Variants in HIBCH observed in about 807,000 individuals in gnomAD.
HIBCH encodes the protein 3-hydroxyisobutyryl-CoA hydrolase.
HIBCH carries 50 observed loss-of-function variants against 58.2 expected under a neutral mutation model. The ratio of observed to expected loss-of-function variants is 0.86; its 90% CI spans 0.68 to 1.09. The LOEUF (loss-of-function observed/expected upper bound fraction) is 1.09, where lower values mean the gene tolerates loss of function less well. HIBCH is among the 50% of genes least tolerant of loss of function. HIBCH has a pLI of 0.00. For synonymous variants in HIBCH, 151 were observed against 146.9 expected, an observed-to-expected ratio of 1.03 and a Z score of -0.20; for missense variants, 450 against 449.7, an observed-to-expected ratio of 1.00 and a Z score of -0.01.
intron 6 of HIBCH, among the ~76,000 whole-genome samples, chr2:190,272,122 A>G (rs766832295): frequency 7.2e-5 from 11 of 152,078 alleles, no homozygotes; most frequent in African/African-American, 2.7e-4. Flanking sequence ...CCATCACTAC[A>G]CTATTCGCAC....
chr2:190,238,745 G>GA (rs1381546769), intron 11 of HIBCH, among the ~76,000 whole-genome samples: 1 of 152,240 alleles, frequency 6.6e-6, no homozygotes, highest in Non-Finnish European at 1.5e-5. Context: ...TTACAGGCGT[G>GA]AGCCACCACG....
At chr2:190,286,969 A>G (rs576694733) in intron 6 of HIBCH, among the ~76,000 whole-genome samples, 1 of 151,294 alleles carries the variant, frequency 6.6e-6, no homozygotes, top group Non-Finnish European at 1.5e-5. Flanking sequence ...ATAAAAACAC[A>G]ATCAGTTTCC....
intron 11 of HIBCH, among the ~76,000 whole-genome samples, chr2:190,226,594 TCAAAAAAAAAAAAA>T (rs202171428): frequency 0.4 from 35,812 of 89,708 alleles, 4,768 homozygotes; most frequent in Middle Eastern, 0.49. Flanking sequence ...AAACTCCGTC[TCAAAAAAAAAAAAA>T]AAAAAAAAAA....
At chr2:190,313,518 C>G (rs1688611956) in intron 1 of HIBCH, among the ~76,000 whole-genome samples, 1 of 152,010 alleles carries the variant, frequency 6.6e-6, no homozygotes, top group Non-Finnish European at 1.5e-5. Flanking sequence ...AATCTTTTGC[C>G]TCCGTGCTGA....
chr2:190,251,754 A>G (rs1686780336), intron 8 of HIBCH, among the ~76,000 whole-genome samples: 1 of 151,954 alleles, frequency 6.6e-6, no homozygotes, highest in South Asian at 2.1e-4. Context: ...GTCAAATGCA[A>G]TTACTTTCAA....
intron 1 of HIBCH, among the ~76,000 whole-genome samples, chr2:190,194,344 TTTAAG>T (rs1028938873): frequency 6.6e-6 from 1 of 152,156 alleles, no homozygotes; most frequent in African/African-American, 2.4e-5. Context: ...GTTTGTCAGT[TTTAAG>T]TTGTGTATCT....
Position 190,306,413 on chromosome 2 carries a change from T to C in HIBCH, c.78+4341A>G, listed in dbSNP as rs1163968338. Among the ~76,000 whole-genome samples the C allele has an allele frequency of 1.3e-5, 2 of 152,148 alleles. No homozygotes were observed. Among genetic ancestry groups the C allele is most frequent in the Non-Finnish European group, 1.5e-5 (1 of 68,030 alleles). Reference sequence around the variant, plus strand: ...TCCACGAAGAAGAAGGTTTTTGCTGTGAGCCACCATGAAGAAGAAGGTAAT... The same window carrying C: ...TCCACGAAGAAGAAGGTTTTTGCTGCGAGCCACCATGAAGAAGAAGGTAAT... On this transcript the variant is annotated intron_variant, in intron 2 of 13. Coordinates refer to ENST00000359678, the MANE Select transcript of HIBCH (RefSeq NM_014362.4). The surrounding 1 kb of genome is among the most constrained non-coding windows in gnomAD (Gnocchi z 4.6).
In HIBCH at chr2:190,222,863, A is replaced by G. The variant is rs183102984; in HGVS notation, c.892-9788T>C. Among the ~76,000 whole-genome samples the G allele has an allele frequency of 1.9e-3, 290 of 152,382 alleles. 1 individual carries two copies. The highest frequency in any genetic ancestry group is 7.4e-3 in the Admixed American group (113 of 15,310). ...ACTATGCAAAATAGCAAAGACTTGG[A>G]ACCAATCCAAATGTCCATCAATGAC... On this transcript the variant is annotated intron_variant, in intron 11 of 13. Transcript: ENST00000359678.
intron 6 of HIBCH, among the ~76,000 whole-genome samples, chr2:190,265,122 C>CAAAAAAAAAA (rs1167140474): frequency 2.5e-4 from 14 of 56,286 alleles, no homozygotes; most frequent in African/African-American, 9.6e-4. Context: ...GACTCCGTCT[C>CAAAAAAAAAA]AAAAAAAAAA....
chr2:190,246,583 C>A (rs1458735400), intron 9 of HIBCH, among the ~76,000 whole-genome samples: 1 of 152,206 alleles, frequency 6.6e-6, no homozygotes, highest in Non-Finnish European at 1.5e-5. Flanking sequence ...ACCTGGTATG[C>A]CTGCAGCTGT....
intron 9 of HIBCH, among the ~76,000 whole-genome samples, chr2:190,246,769 C>T (rs1686619881): frequency 1.3e-5 from 2 of 152,154 alleles, no homozygotes; most frequent in African/African-American, 2.4e-5. Flanking sequence ...GTTTTGTGTC[C>T]CCTCATGATC....
intron 1 of HIBCH, among the ~76,000 whole-genome samples, chr2:190,191,252 C>G (rs1689695934): frequency 6.6e-6 from 1 of 152,106 alleles, no homozygotes; most frequent in South Asian, 2.1e-4. Context: ...AGGTGATTCT[C>G]ATGCCTCAGC....
At chr2:190,268,110 G>C (rs1004433936) in intron 6 of HIBCH, among the ~76,000 whole-genome samples, 9 of 152,164 alleles carry the variant, frequency 5.9e-5, no homozygotes, top group Non-Finnish European at 1.2e-4. Context: ...AATAGATACA[G>C]ACTCACAGGG....
intron 6 of HIBCH, among the ~76,000 whole-genome samples, chr2:190,271,511 A>C (rs1425423719): frequency 2.0e-5 from 3 of 151,818 alleles, no homozygotes; most frequent in Non-Finnish European, 4.4e-5. Context: ...GGCTGGTCTG[A>C]GACTCCCAAC....
chr2:190,279,591 GAATA>G lies in HIBCH; in HGVS notation c.438+7991_438+7994del, dbSNP rs1312311406. Among the ~76,000 whole-genome samples the G allele has an allele frequency of 6.6e-6, 1 of 152,130 alleles. No homozygotes were observed. The highest frequency in any genetic ancestry group is 2.4e-5 in the African/African-American group (1 of 41,430). On this transcript the variant is annotated intron_variant, in intron 6 of 13. Coordinates refer to ENST00000359678, the MANE Select transcript of HIBCH (RefSeq NM_014362.4). This position sits in a 1 kb window ranked among gnomAD's most constrained non-coding sequence, Gnocchi z 4.2. ...GAGACTTTCCTCCCTGTCTAATTAG[GAATA>G]AATAGTAAATTCTCTTAGAAGCAAA...
In HIBCH at chr2:190,271,277, CCCTACTTTTTTTTTTTTTTT is replaced by C. The variant is rs1687391812; in HGVS notation, c.439-10063_439-10044del. On this transcript the variant is annotated intron_variant, in intron 6 of 13. Coordinates refer to ENST00000359678, the MANE Select transcript of HIBCH (RefSeq NM_014362.4). ...TAAATCTATCTACCCATTATCTCTA[CCCTACTTTTTTTTTTTTTTT>C]TTTTTTTTTGAGAGGGAGTCTTGCT... 2.1e-5 allele frequency among the ~76,000 whole-genome samples: 3 copies of C among 145,554 alleles called. No individual in the cohort carries two copies. The Admixed American group carries it at 2.2e-4, about 11-fold the overall frequency.
intron 8 of HIBCH, among the ~76,000 whole-genome samples, chr2:190,251,713 G>T: frequency 1.4e-5 from 1 of 73,770 alleles, no homozygotes; most frequent in African/African-American, 8.2e-5. Context: ...GATAAGTAAC[G>T]TGTTCCTTGT....
rs1685596984 is a variant in HIBCH at position 190,217,642 on chromosome 2, C to T, written c.892-4567G>A. ...GTCATCCCTTAGGTTAAAAAAACTT[C>T]TAACTCGAACCCTGCCTCTTGAGTT... On this transcript the variant is annotated intron_variant, in intron 11 of 13. Transcript: ENST00000359678. The surrounding 1 kb of genome is among the most constrained non-coding windows in gnomAD (Gnocchi z 4.6). 6.6e-6 allele frequency among the ~76,000 whole-genome samples: 1 copy of T among 152,156 alleles called. No homozygotes were observed. The highest frequency in any genetic ancestry group is 2.4e-5 in the African/African-American group (1 of 41,430).
chr2:190,208,805 G>C lies in HIBCH; in HGVS notation c.1045+75C>G, dbSNP rs570758814. ...TTTTAGGATTTGGGATGCATAATCT[G>C]TATCTTCTTTAATTAACAGCATATG... On this transcript the variant is annotated intron_variant, in intron 13 of 13. Transcript: ENST00000359678. The C allele has an allele frequency of 1.3e-5, 17 of 1,317,264 alleles. No homozygotes were observed. The East Asian group carries it at 3.7e-4, about 29-fold the overall frequency. 81.6% of individuals were successfully genotyped at this position (1,317,264 alleles called of 1,614,324 possible). A position where few individuals can be genotyped will look rare whatever the true frequency, so the allele number is the denominator to read the frequency against.
Sources: gnomAD v4.1 joint callset for allele counts (sites outside exome capture counted in the v4.1 genomes callset) on GRCh38, gnomAD v4.1.1 for gene constraint, Gnocchi (gnomAD v3.1) non-coding constraint, MANE v1.5 for transcripts, NCBI Gene and HGNC (gene_info 2026-07-23, HGNC 2026-07-21) for gene names.